Variants in ARHGAP17 observed in about 807,000 individuals in gnomAD.
The protein encoded by ARHGAP17 is rho GTPase-activating protein 17.
ARHGAP17 carries 57 observed loss-of-function variants against 99.5 expected under a neutral mutation model. The observed-to-expected ratio is 0.57, with a 90% confidence interval of 0.46 to 0.71. ARHGAP17 has a LOEUF of 0.71. Ranked by LOEUF, ARHGAP17 falls within the 30% of genes least tolerant of loss-of-function variation. The pLI is 0.00. For synonymous variants in ARHGAP17, 417 were observed against 429.6 expected, an observed-to-expected ratio of 0.97 and a Z score of 0.36; for missense variants, 1,000 against 1,122.4, an observed-to-expected ratio of 0.89 and a Z score of 1.56.
intron 1 of ARHGAP17, among the ~76,000 whole-genome samples, chr16:25,004,423 T>C (rs2053452989): frequency 6.6e-6 from 1 of 152,184 alleles, no homozygotes; most frequent in Non-Finnish European, 1.5e-5. Flanking sequence ...TTCGGTGTAT[T>C]TCCCCAAAGT....
chr16:24,954,641 A>C lies in ARHGAP17; in HGVS notation c.814T>G (p.Cys272Gly), dbSNP rs764355005. The C allele has an allele frequency of 6.2e-7, 1 of 1,613,962 alleles. No homozygotes were observed. Among genetic ancestry groups the C allele is most frequent in the Non-Finnish European group, 8.5e-7 (1 of 1,179,922 alleles). Residue 272 changes from cysteine (C) to glycine (G), a missense_variant, in exon 10 of 20, where the codon TGT becomes GGT. Cys to Gly is a radical substitution (Grantham distance 159). Around this residue, in one of 2 missense-constraint regions of ARHGAP17, gnomAD observed 472 missense variants for 611.1 expected, o/e 0.77. Coordinates refer to ENST00000289968, the MANE Select transcript of ARHGAP17 (RefSeq NM_001006634.3). The part of the protein sequence containing the change: ...GREIALPIEA[C>G]VMLLLETGMK... Reference sequence around the variant, plus strand: ...CCTGTCTCCAGAAGCAGCATGACACAGGCTTCAATGGGCAGCGCAATCTCG... The same window carrying C: ...CCTGTCTCCAGAAGCAGCATGACACCGGCTTCAATGGGCAGCGCAATCTCG...
chr16:24,981,537 T>C lies in ARHGAP17; in HGVS notation c.54-2532A>G, dbSNP rs934258296. Among the ~76,000 whole-genome samples the C allele has an allele frequency of 7.7e-4, 118 of 152,272 alleles. 1 individual carries two copies. The highest frequency in any genetic ancestry group is 2.6e-3 in the African/African-American group (107 of 41,562). On this transcript the variant is annotated intron_variant, in intron 1 of 19. Coordinates refer to ENST00000289968, the MANE Select transcript of ARHGAP17 (RefSeq NM_001006634.3). ...GTAACTAATTTGATAACCCAAACGATAGTTTACACATATTACTTATAATTA... is the reference window on the plus strand; with the variant it reads ...GTAACTAATTTGATAACCCAAACGACAGTTTACACATATTACTTATAATTA...
intron 1 of ARHGAP17, among the ~76,000 whole-genome samples, chr16:25,009,051 T>C (rs2053577483): frequency 6.6e-6 from 1 of 152,160 alleles, no homozygotes; most frequent in African/African-American, 2.4e-5. Context: ...TTCTCAGAAA[T>C]ACTGTTCAGA....
intron 1 of ARHGAP17, among the ~76,000 whole-genome samples, chr16:24,989,295 A>G (rs1310760703): frequency 6.6e-6 from 1 of 152,232 alleles, no homozygotes; most frequent in African/African-American, 2.4e-5. Flanking sequence ...GCTCATCCCC[A>G]TAAAAACAGG....
At position 24,959,520 on chromosome 16, in the gene ARHGAP17, G is replaced by C. The variant is rs1480623041; in HGVS notation, c.724+151C>G. Reference sequence around the variant, plus strand: ...TGGAAGAAATTAGAGAATGCAGCAAGGAAGATGAAATTATGCTGGGAAACA... The same window carrying C: ...TGGAAGAAATTAGAGAATGCAGCAACGAAGATGAAATTATGCTGGGAAACA... On this transcript the variant is annotated intron_variant, in intron 9 of 19. Transcript: ENST00000289968. 13 of 701,158 alleles carry C rather than the reference G, an allele frequency of 1.9e-5. 1 individual carries two copies. Among genetic ancestry groups the C allele is most frequent in the Non-Finnish European group, 2.8e-5 (12 of 432,116 alleles). The allele number at this position is 701,158 out of a possible 1,614,324, so 43.4% of individuals were successfully genotyped here.
At chr16:24,972,961 G>A (rs1397674702) in intron 3 of ARHGAP17, among the ~76,000 whole-genome samples, 3 of 150,646 alleles carry the variant, frequency 2.0e-5, no homozygotes, top group Non-Finnish European at 4.4e-5. Flanking sequence ...TTAAGACAGG[G>A]TCTGGCTCTG....
Position 24,947,600 on chromosome 16 carries a change from G to C in ARHGAP17, c.1128-5C>G. On this transcript the variant is annotated splice_region_variant and splice_polypyrimidine_tract_variant and intron_variant, in intron 13 of 19. Transcript: ENST00000289968. ...GCAAGGAACTTGATCAAATATCTAG[G>C]GGTCAAAAGAGAAGGGGAGGGTTTC... 1 of 1,606,282 alleles carries C rather than the reference G, an allele frequency of 6.2e-7. No individual in the cohort carries two copies. Among genetic ancestry groups the C allele is most frequent in the Non-Finnish European group, 8.5e-7 (1 of 1,177,706 alleles).
intron 11 of ARHGAP17, among the ~76,000 whole-genome samples, chr16:24,952,705 A>T (rs1007288835): frequency 6.6e-6 from 1 of 152,228 alleles, no homozygotes; most frequent in Non-Finnish European, 1.5e-5. Flanking sequence ...TTTGCATTAT[A>T]AGCTACTCTC....
chr16:24,924,672 G>A (rs2050796405), intron 19 of ARHGAP17, among the ~76,000 whole-genome samples: 1 of 151,956 alleles, frequency 6.6e-6, no homozygotes, highest in African/African-American at 2.4e-5. Flanking sequence ...AGACCAGCCT[G>A]GCCAACATGG....
At chr16:24,924,629 G>A (rs535348340) in intron 19 of ARHGAP17, among the ~76,000 whole-genome samples, 34 of 152,084 alleles carry the variant, frequency 2.2e-4, no homozygotes, top group African/African-American at 7.7e-4. Flanking sequence ...TTGGGAGGCC[G>A]AGGCAGGCAG....
At chr16:24,929,313 G>A (rs1453430084) in intron 19 of ARHGAP17, among the ~76,000 whole-genome samples, 2 of 152,086 alleles carry the variant, frequency 1.3e-5, no homozygotes, top group Non-Finnish European at 2.9e-5. Flanking sequence ...TTAGAGGCAC[G>A]AGCCACTGTG....
At chr16:24,987,040 C>T (rs2052890886) in intron 1 of ARHGAP17, among the ~76,000 whole-genome samples, 1 of 152,226 alleles carries the variant, frequency 6.6e-6, no homozygotes, top group African/African-American at 2.4e-5. Context: ...TTTCTGGTCT[C>T]TACTGATAAA....
intron 9 of ARHGAP17, chr16:24,957,070 G>A (rs2051830657): frequency 6.6e-6 from 1 of 152,302 alleles, no homozygotes; most frequent in African/African-American, 2.4e-5. Flanking sequence ...GGCCGTGAGA[G>A]CATGGAGCAG....
intron 17 of ARHGAP17, among the ~76,000 whole-genome samples, chr16:24,937,495 C>CTTA (rs2051174476): frequency 6.6e-6 from 1 of 152,030 alleles, no homozygotes; most frequent in South Asian, 2.1e-4. Flanking sequence ...AGTGAATTTG[C>CTTA]TTAGACTTTT....
chr16:25,011,136 T>C (rs909549238), intron 1 of ARHGAP17, among the ~76,000 whole-genome samples: 1 of 152,182 alleles, frequency 6.6e-6, no homozygotes, highest in African/African-American at 2.4e-5. Flanking sequence ...CATCTAAGGG[T>C]TTTCAAGAAA....
intron 16 of ARHGAP17, among the ~76,000 whole-genome samples, chr16:24,941,171 G>C (rs1361970226): frequency 6.6e-6 from 1 of 152,156 alleles, no homozygotes; most frequent in Non-Finnish European, 1.5e-5. Flanking sequence ...GAAACAAACA[G>C]CACACCTCAC....
In ARHGAP17 at chr16:24,920,171, G is replaced by C. The variant is rs760462633; in HGVS notation, c.2605C>G (p.Leu869Val). ...TCGGTATCATTGTCTATATCCAGCA[G>C]GATGCGGCCAGGCACGTCTTTGCTG... ...SASKDVPGRI[L>V]LDIDNDTEST... Residue 869 changes from leucine (L) to valine (V), a missense_variant, in exon 20 of 20, where the codon CTG (leucine) becomes GTG (valine). Around this residue, in one of 2 missense-constraint regions of ARHGAP17, gnomAD observed 528 missense variants for 511.4 expected, o/e 1.03. Coordinates refer to ENST00000289968, the MANE Select transcript of ARHGAP17 (RefSeq NM_001006634.3). The C allele has an allele frequency of 1.9e-6, 3 of 1,614,200 alleles. No individual in the cohort carries two copies. Among genetic ancestry groups the C allele is most frequent in the Admixed American group, 3.3e-5 (2 of 60,026 alleles).
At chr16:24,982,999 T>TA (rs59028948) in intron 1 of ARHGAP17, among the ~76,000 whole-genome samples, 15 of 21,982 alleles carry the variant, frequency 6.8e-4, no homozygotes, top group South Asian at 2.1e-3. Context: ...TATATATATT[T>TA]TTTTTTTTTT....
chr16:24,998,041 G>A (rs865945856), intron 1 of ARHGAP17, among the ~76,000 whole-genome samples: 39 of 152,124 alleles, frequency 2.6e-4, no homozygotes, highest in South Asian at 1.0e-3. Flanking sequence ...GGGACACAGC[G>A]GAAGGAGAAC....
Sources: allele counts gnomAD v4.1 joint callset (sites outside exome capture counted in the v4.1 genomes callset), GRCh38; gene constraint gnomAD v4.1.1; regional missense constraint gnomAD v4.1.1; transcripts MANE v1.5; gene names NCBI Gene and HGNC (gene_info 2026-07-23, HGNC 2026-07-21).